Variants in TENM1 observed in about 807,000 individuals in gnomAD.
TENM1 encodes teneurin-1.
In TENM1, 35 loss-of-function variants were observed where a neutral mutation model predicts 174.8. That is an observed-to-expected ratio of 0.20 (90% CI 0.15 to 0.27). TENM1 has a LOEUF of 0.27. Among genes scored for constraint, TENM1 ranks in the 10% least tolerant of loss-of-function variants. The probability of loss-of-function intolerance (pLI) is 1.00; values close to 1 mark genes in which losing one functional copy is unlikely to be tolerated. For synonymous variants in TENM1, 781 were observed against 798.7 expected, an observed-to-expected ratio of 0.98 and a Z score of 0.37; for missense variants, 1,633 against 2,130.1, an observed-to-expected ratio of 0.77 and a Z score of 4.59.
intron 5 of TENM1, among the ~76,000 whole-genome samples, chrX:124,678,786 G>C (rs931623878): frequency 2.7e-5 from 3 of 111,091 alleles, no homozygotes; most frequent in Non-Finnish European, 3.8e-5. Flanking sequence ...AGGAAAATTT[G>C]GGTGTTGGGA....
chrX:124,714,386 C>A (rs2148509834), intron 4 of TENM1, among the ~76,000 whole-genome samples: 1 of 112,213 alleles, frequency 8.9e-6, no homozygotes, highest in South Asian at 3.7e-4. Context: ...TCCATGCCTA[C>A]AATATCACTC....
intron 22 of TENM1, among the ~76,000 whole-genome samples, chrX:124,468,206 C>G (rs1016911370): frequency 5.7e-4 from 62 of 109,530 alleles, no homozygotes; most frequent in African/African-American, 2.0e-3. Flanking sequence ...GATGGAGTCT[C>G]TCTCTGTCAC....
intron 11 of TENM1, among the ~76,000 whole-genome samples, chrX:124,621,682 A>C (rs1260857752): frequency 8.9e-6 from 1 of 112,229 alleles, no homozygotes; most frequent in Non-Finnish European, 1.9e-5. Flanking sequence ...GTGTTATGTT[A>C]GTGCGCAAAA....
At chrX:124,429,075 T>C (rs2060749359) in intron 23 of TENM1, among the ~76,000 whole-genome samples, 1 of 111,298 alleles carries the variant, frequency 9.0e-6, no homozygotes, top group African/African-American at 3.3e-5. Flanking sequence ...AATATAAAAA[T>C]TACCTGAGAA....
intron 11 of TENM1, among the ~76,000 whole-genome samples, chrX:124,572,726 T>C (rs2843536): frequency 0.31 from 34,173 of 110,033 alleles, 4,305 homozygotes; most frequent in African/African-American, 0.47. Context: ...GCCTAGATAT[T>C]GGGGACAGCA....
intron 3 of TENM1, among the ~76,000 whole-genome samples, chrX:124,776,698 G>A (rs941865123): frequency 5.4e-5 from 6 of 111,230 alleles, no homozygotes; most frequent in African/African-American, 9.8e-5. Flanking sequence ...GGAAAATAAA[G>A]GCCAAAAGAA....
At chrX:124,954,348 C>G (rs2058538210) in intron 1 of TENM1, among the ~76,000 whole-genome samples, 1 of 110,975 alleles carries the variant, frequency 9.0e-6, no homozygotes, top group African/African-American at 3.3e-5. Context: ...CTACACTGCA[C>G]CACTATAAAC....
chrX:124,465,971 T>C (rs2061236704), intron 22 of TENM1, among the ~76,000 whole-genome samples: 1 of 112,058 alleles, frequency 8.9e-6, no homozygotes, highest in African/African-American at 3.2e-5. Flanking sequence ...TAACAAGATA[T>C]ACCAGGCGCA....
intron 1 of TENM1, among the ~76,000 whole-genome samples, chrX:124,909,642 C>T (rs937852196): frequency 8.9e-6 from 1 of 112,192 alleles, no homozygotes; most frequent in African/African-American, 3.2e-5. Flanking sequence ...CAACTTGTCA[C>T]TTTGACTCAT....
the TENM1 span, among the ~76,000 whole-genome samples, chrX:125,115,914 G>A: frequency 9.1e-6 from 1 of 110,328 alleles, no homozygotes; most frequent in Non-Finnish European, 1.9e-5. Context: ...CATATGGAAC[G>A]AGAAAAGAGC....
the TENM1 span, among the ~76,000 whole-genome samples, chrX:125,134,892 CT>C: frequency 1.8e-5 from 2 of 111,269 alleles, no homozygotes; most frequent in Admixed American, 1.9e-4. Context: ...ATGAAAATGC[CT>C]TTTCACCACT....
rs746228843 is a variant in TENM1, at chrX:124,632,182, G to A, written c.2077+9609C>T. 2.2e-3 allele frequency among the ~76,000 whole-genome samples: 243 copies of A among 109,575 alleles called. 2 individuals are homozygous for A. The highest frequency in any genetic ancestry group is 0.014 in the Middle Eastern group (3 of 215). ...CGCCTTGGCCTCCCAAAGTGCTAGGGTTACAGGCATGAGCCACCACGCCCG... is the reference window on the plus strand; with the variant it reads ...CGCCTTGGCCTCCCAAAGTGCTAGGATTACAGGCATGAGCCACCACGCCCG... On this transcript the variant is annotated intron_variant, in intron 11 of 31. Transcript: ENST00000422452.
chrX:124,936,501 T>C, intron 1 of TENM1, among the ~76,000 whole-genome samples: 1 of 112,135 alleles, frequency 8.9e-6, no homozygotes, highest in East Asian at 2.8e-4. Context: ...TTGGTATCCC[T>C]AAGTAGTTTA....
At chrX:124,838,680 A>G (rs1463764829) in intron 3 of TENM1, among the ~76,000 whole-genome samples, 1 of 111,248 alleles carries the variant, frequency 9.0e-6, no homozygotes. Flanking sequence ...CACCACACCC[A>G]TTAGACTGAA....
At chrX:124,477,524 T>C (rs749564482) in intron 22 of TENM1, among the ~76,000 whole-genome samples, 13 of 110,848 alleles carry the variant, frequency 1.2e-4, no homozygotes, top group Non-Finnish European at 1.9e-5. Context: ...GTGGCCGAGG[T>C]GGGCGGATCA....
Position 124,471,729 on chromosome X carries a change from A to C in TENM1, c.3949+10003T>G, listed in dbSNP as rs772063463. Among the ~76,000 whole-genome samples, 7 of 93,779 alleles carry C rather than the reference A, an allele frequency of 7.5e-5. No individual in the cohort carries two copies. The South Asian group carries it at 3.2e-3, about 42-fold the overall frequency. 81.4% of individuals were successfully genotyped at this position (93,779 alleles called of 115,157 possible). A position where few individuals can be genotyped will look rare whatever the true frequency, so the allele number is the denominator to read the frequency against. On this transcript the variant is annotated intron_variant, in intron 22 of 31. Coordinates refer to ENST00000422452, the Ensembl canonical transcript of TENM1. ...ATAATATGTAATATACAATTATATA[A>C]TATACAATATAGAGTAATATATAAT...
the TENM1 span, among the ~76,000 whole-genome samples, chrX:125,157,293 C>T: frequency 3.6e-5 from 4 of 111,989 alleles, no homozygotes; most frequent in Non-Finnish European, 7.5e-5. Flanking sequence ...TGTTTGCCTC[C>T]TGTAAGAAGC....
intron 19 of TENM1, among the ~76,000 whole-genome samples, chrX:124,498,933 G>A (rs936446483): frequency 2.7e-5 from 3 of 110,855 alleles, no homozygotes; most frequent in Non-Finnish European, 5.7e-5. Context: ...TGAGTTTCTC[G>A]TAGTTTCCTT....
chrX:124,922,470 T>A (rs2058037626), intron 1 of TENM1, among the ~76,000 whole-genome samples: 2 of 111,102 alleles, frequency 1.8e-5, no homozygotes, highest in Non-Finnish European at 3.8e-5. Context: ...TTAGCTTATA[T>A]TTTTATTACT....
Sources: gnomAD v4.1 joint callset for allele counts (sites outside exome capture counted in the v4.1 genomes callset) on GRCh38, gnomAD v4.1.1 for gene constraint, MANE v1.5 for transcripts, NCBI Gene and HGNC (gene_info 2026-07-23, HGNC 2026-07-21) for gene names.